HM13: variants seen among roughly 807,000 people sequenced by gnomAD.
The protein encoded by HM13 is histocompatibility minor 13, also known as signal peptide peptidase.
Under a neutral mutation model 50.0 loss-of-function variants are expected in HM13, and 18 were observed. The ratio of observed to expected loss-of-function variants is 0.36; its 90% confidence interval spans 0.25 to 0.53. HM13 has a LOEUF of 0.53. HM13 is among the 20% of genes least tolerant of loss of function. The pLI, the probability that HM13 is intolerant of heterozygous loss-of-function variation, is 0.90. For synonymous variants in HM13, 197 were observed against 232.6 expected, an observed-to-expected ratio of 0.85 and a Z score of 1.39; for missense variants, 393 against 552.4, an observed-to-expected ratio of 0.71 and a Z score of 2.89.
At chr20:31,519,302 G>C (rs757365180) in intron 1 of HM13, among the ~76,000 whole-genome samples, 1 of 152,160 alleles carries the variant, frequency 6.6e-6, no homozygotes, top group Non-Finnish European at 1.5e-5. Flanking sequence ...GGTTTCACCA[G>C]GTTGTCCAGG....
At chr20:31,529,535 A>C (rs1600626653) in intron 2 of HM13, among the ~76,000 whole-genome samples, 3 of 152,138 alleles carry the variant, frequency 2.0e-5, no homozygotes, top group Non-Finnish European at 2.9e-5. Context: ...ATGAGCCACC[A>C]CACCTGGCCC....
Position 31,549,202 on chromosome 20 carries a change from C to T in HM13, c.541-5C>T, listed in dbSNP as rs778322917. The T allele has an allele frequency of 2.5e-6, 4 of 1,614,220 alleles. No homozygotes were observed. In the South Asian group the frequency reaches 3.3e-5, roughly 13 times the overall value. The stretch of plus-strand genomic sequence containing the variant: ...CAAGCTGGTCTCACTCCCCGCTTTC[C>T]TCAGCACTGGATTGCCAACAACCTT... On this transcript the variant is annotated splice_polypyrimidine_tract_variant and splice_region_variant and intron_variant, in intron 5 of 12. Coordinates refer to ENST00000398174, the MANE Select transcript of HM13 (RefSeq NM_178581.3).
chr20:31,542,062 G>A (rs1284159260), intron 3 of HM13, among the ~76,000 whole-genome samples: 1 of 152,256 alleles, frequency 6.6e-6, no homozygotes, highest in Non-Finnish European at 1.5e-5. Context: ...TGGCAGAGGA[G>A]AGGCCTGCTG....
At position 31,561,753 on chromosome 20, in the gene HM13, CAG is replaced by C. The variant is rs1375003640; in HGVS notation, c.948+20_948+21del. The C allele has an allele frequency of 5.9e-6, 9 of 1,536,694 alleles. No homozygotes were observed. The highest frequency in any genetic ancestry group is 4.5e-5 in the East Asian group (2 of 44,500). Reference sequence around the variant, plus strand: ...CATGCTCAGGTGGGCAGGACGGTATCAGAGTGTCAGGAATGCCTCACTGCAAA... The same window carrying C: ...CATGCTCAGGTGGGCAGGACGGTATCAGTGTCAGGAATGCCTCACTGCAAA... On this transcript the variant is annotated intron_variant, in intron 10 of 12. Coordinates refer to ENST00000398174, the MANE Select transcript of HM13 (RefSeq NM_178581.3).
At chr20:31,536,714 A>G (rs745315044) in intron 2 of HM13, among the ~76,000 whole-genome samples, 2 of 152,014 alleles carry the variant, frequency 1.3e-5, no homozygotes, top group African/African-American at 2.4e-5. Context: ...CCCTGCACAC[A>G]TGAACATTCA....
At chr20:31,540,744 A>C (rs1237003201) in intron 3 of HM13, 1 of 152,202 alleles carries the variant, frequency 6.6e-6, no homozygotes, top group Non-Finnish European at 1.5e-5. Context: ...TAATCGCAGC[A>C]CTTTGTGAGG....
intron 9 of HM13, 52 bp downstream of exon 9, chr20:31,559,699 T>C: frequency 6.3e-7 from 1 of 1,583,532 alleles, no homozygotes; most frequent in Non-Finnish European, 8.7e-7. Flanking sequence ...GATTCTCCAG[T>C]GGCCTTCAGG....
chr20:31,529,286 C>G (rs1982673594), intron 2 of HM13, among the ~76,000 whole-genome samples: 1 of 152,106 alleles, frequency 6.6e-6, no homozygotes, highest in Non-Finnish European at 1.5e-5. Context: ...TGCTCTGTCA[C>G]CTAGGCTGGA....
intron 2 of HM13, among the ~76,000 whole-genome samples, chr20:31,534,130 G>GGC (rs1982977268): frequency 6.6e-6 from 1 of 151,912 alleles, no homozygotes; most frequent in Non-Finnish European, 1.5e-5. Flanking sequence ...CTCCCGCCTT[G>GGC]GCCTCCTAAA....
chr20:31,528,106 T>TGCAC (rs1434942176), intron 2 of HM13: 1 of 152,310 alleles, frequency 6.6e-6, no homozygotes, highest in East Asian at 1.9e-4. Flanking sequence ...TGTGACCACA[T>TGCAC]GGTGTATTCA....
intron 1 of HM13, among the ~76,000 whole-genome samples, chr20:31,524,077 T>C (rs1982339831): frequency 6.7e-6 from 1 of 149,378 alleles, no homozygotes; most frequent in Non-Finnish European, 1.5e-5. Context: ...TCTTATTTGC[T>C]TTAAGACTCC....
chr20:31,554,694 A>G, intron 7 of HM13, 52 bp from the exon 8 acceptor site: 1 of 1,536,268 alleles, frequency 6.5e-7, no homozygotes, highest in Non-Finnish European at 8.9e-7. Flanking sequence ...AAAAAAAAAA[A>G]AATGTAAACT....
chr20:31,547,910 C>A, intron 4 of HM13: 2 of 1,163,078 alleles, frequency 1.7e-6, no homozygotes, highest in Non-Finnish European at 2.6e-6. Context: ...GCAGTCACAG[C>A]GGAAGGAAAA....
chr20:31,549,396 T>C lies in HM13; in HGVS notation c.666+64T>C. ...GGCCATCTCATCTCATCACCCTGCC[T>C]CTCTGGCCCAAGTTGCAGTCATCTG... On this transcript the variant is annotated intron_variant, in intron 6 of 12. Transcript: ENST00000398174. 1.9e-6 allele frequency: 3 copies of C among 1,604,094 alleles called. No individual in the cohort carries two copies. In the South Asian group the frequency reaches 3.3e-5, roughly 18 times the overall value.
intron 6 of HM13, 60 bp downstream of exon 6, chr20:31,549,392 T>A: frequency 6.2e-7 from 1 of 1,606,744 alleles, no homozygotes; most frequent in Non-Finnish European, 8.5e-7. Context: ...CTCATCACCC[T>A]GCCTCTCTGG....
chr20:31,533,836 C>T (rs1982958393), intron 2 of HM13, among the ~76,000 whole-genome samples: 1 of 152,196 alleles, frequency 6.6e-6, no homozygotes, highest in Admixed American at 6.5e-5. Flanking sequence ...ATCCCATCCT[C>T]ATCACCAATT....
chr20:31,552,448 T>C (rs1984082152), intron 7 of HM13, among the ~76,000 whole-genome samples: 1 of 152,174 alleles, frequency 6.6e-6, no homozygotes, highest in African/African-American at 2.4e-5. Flanking sequence ...CACTGCCCCG[T>C]AGGCCACTGG....
intron 1 of HM13, among the ~76,000 whole-genome samples, chr20:31,523,748 G>T (rs114176536): frequency 2.0e-5 from 3 of 152,218 alleles, no homozygotes; most frequent in Non-Finnish European, 4.4e-5. Flanking sequence ...ACTTGCCCAA[G>T]TCCCACAGCA....
intron 7 of HM13, 112 bp downstream of exon 7, chr20:31,550,233 C>G (rs981491726): frequency 2.6e-6 from 2 of 776,594 alleles, no homozygotes; most frequent in Non-Finnish European, 4.6e-6. Flanking sequence ...GTACCTCTTC[C>G]TCCTGTGGCT....
Sources: allele counts gnomAD v4.1 joint callset (sites outside exome capture counted in the v4.1 genomes callset), GRCh38; gene constraint gnomAD v4.1.1; transcripts MANE v1.5; gene names NCBI Gene and HGNC (gene_info 2026-07-23, HGNC 2026-07-21).